Variants in COL4A4 observed in about 807,000 individuals in gnomAD.
The protein encoded by COL4A4 is collagen alpha-4(IV) chain.
Under a neutral mutation model 192.9 loss-of-function variants are expected in COL4A4, and 105 were observed. The ratio of observed to expected loss-of-function variants is 0.54; its 90% CI spans 0.46 to 0.64. The LOEUF (loss-of-function observed/expected upper bound fraction) is 0.64, where lower values mean the gene tolerates loss of function less well. Among genes scored for constraint, COL4A4 ranks in the 30% least tolerant of loss-of-function variants. The probability of loss-of-function intolerance (pLI) is 0.00; values close to 1 mark genes in which losing one functional copy is unlikely to be tolerated. For missense variants in COL4A4, 1,967 were observed against 2,169.3 expected (o/e 0.91, Z 1.85); for synonymous variants, 762 against 769.9 (o/e 0.99, Z 0.17).
intron 34 of COL4A4, among the ~76,000 whole-genome samples, chr2:227,048,520 G>A (rs1973373465): frequency 6.6e-6 from 1 of 152,186 alleles, no homozygotes; most frequent in South Asian, 2.1e-4. Flanking sequence ...AAGATACTGT[G>A]TAGACAGAGA....
the COL4A4 span, among the ~76,000 whole-genome samples, chr2:226,969,394 C>CTTT: frequency 3.6e-3 from 411 of 115,542 alleles, 18 homozygotes; most frequent in Middle Eastern, 9.8e-3. Context: ...ACAGCTCAGC[C>CTTT]TTTTTTTTTT....
At chr2:227,009,751 A>AGAAGAGAAG (rs1963197884) in intron 46 of COL4A4, among the ~76,000 whole-genome samples, 9 of 125,318 alleles carry the variant, frequency 7.2e-5, no homozygotes, top group African/African-American at 2.7e-4. Context: ...GAGAAGAGAG[A>AGAAGAGAAG]AGAGAAGAGG....
chr2:227,085,989 G>T (rs2059583158), intron 22 of COL4A4, among the ~76,000 whole-genome samples: 1 of 152,076 alleles, frequency 6.6e-6, no homozygotes, highest in Non-Finnish European at 1.5e-5. Flanking sequence ...CCTCTAAGAT[G>T]GTGTTCTTAT....
At chr2:227,028,631 T>G (rs1160551142) in intron 41 of COL4A4, among the ~76,000 whole-genome samples, 1 of 144,336 alleles carries the variant, frequency 6.9e-6, no homozygotes, top group East Asian at 2.0e-4. Flanking sequence ...AACTATGCTC[T>G]TTATAAAAGA....
intron 9 of COL4A4, 138 bp downstream of exon 9, chr2:227,111,540 T>C: frequency 1.1e-6 from 1 of 902,566 alleles, no homozygotes; most frequent in South Asian, 1.3e-5. Context: ...TTAATAATTT[T>C]TGAACAGGGA....
chr2:227,049,696 A>C (rs1260800882), intron 34 of COL4A4, among the ~76,000 whole-genome samples: 1 of 152,242 alleles, frequency 6.6e-6, no homozygotes, highest in African/African-American at 2.4e-5. Flanking sequence ...CTTAGAAAAG[A>C]TACTGGCTCC....
In COL4A4 at chr2:227,022,195, G is replaced by A. The variant is rs763941393; in HGVS notation, c.4091-22C>T. On this transcript the variant is annotated intron_variant, in intron 43 of 47. Coordinates refer to ENST00000396625, the MANE Select transcript of COL4A4 (RefSeq NM_000092.5). The stretch of plus-strand genomic sequence containing the variant: ...TCACCTGAAATTGGAATCACCGCTT[G>A]TGTAATGGATGCACGTGCTTATGAA... 69 of 1,614,000 alleles carry A rather than the reference G, an allele frequency of 4.3e-5. No individual in the cohort carries two copies. In the Middle Eastern group the frequency reaches 1.2e-3, roughly 27 times the overall value.
chr2:227,127,905 T>C (rs1477316471), intron 4 of COL4A4, among the ~76,000 whole-genome samples: 1 of 152,226 alleles, frequency 6.6e-6, no homozygotes, highest in Non-Finnish European at 1.5e-5. Flanking sequence ...AAGATGCTTT[T>C]GTTATACTAA....
At chr2:227,013,815 A>G (rs966170816) in intron 44 of COL4A4, among the ~76,000 whole-genome samples, 1 of 152,100 alleles carries the variant, frequency 6.6e-6, no homozygotes, top group Non-Finnish European at 1.5e-5. Flanking sequence ...TGACTGGGGG[A>G]TGATGATAAA....
intron 22 of COL4A4, among the ~76,000 whole-genome samples, chr2:227,086,324 C>A (rs1272252202): frequency 6.6e-6 from 1 of 152,136 alleles, no homozygotes; most frequent in African/African-American, 2.4e-5. Context: ...CCCCCAAGAG[C>A]GAGAGCACCC....
At chr2:227,041,918 GAA>G (rs1030283291) in intron 37 of COL4A4, among the ~76,000 whole-genome samples, 1 of 150,112 alleles carries the variant, frequency 6.7e-6, no homozygotes, top group Non-Finnish European at 1.5e-5. Flanking sequence ...AAGAAAGAAA[GAA>G]AGAAAATGGT....
At chr2:227,047,419 T>C in intron 35 of COL4A4, 56 bp downstream of exon 35, 2 of 1,251,398 alleles carry the variant, frequency 1.6e-6, no homozygotes, top group Admixed American at 1.7e-5. Context: ...GTAATTGTTC[T>C]GCTTTTCAAA....
At chr2:227,015,344 A>G (rs547627037) in intron 44 of COL4A4, among the ~76,000 whole-genome samples, 59 of 152,356 alleles carry the variant, frequency 3.9e-4, no homozygotes, top group Non-Finnish European at 7.6e-4. Context: ...CTGGACCAGC[A>G]GCAGCAGCGG....
chr2:226,979,782 T>C, the COL4A4 span, among the ~76,000 whole-genome samples: 7 of 152,234 alleles, frequency 4.6e-5, no homozygotes, highest in African/African-American at 1.7e-4. Flanking sequence ...GGAGCACTGC[T>C]TCACCAGCCA....
the COL4A4 span, among the ~76,000 whole-genome samples, chr2:226,973,842 C>A: frequency 3.4e-4 from 52 of 152,174 alleles, no homozygotes; most frequent in Admixed American, 2.6e-4. Context: ...CTCCGGAGCC[C>A]ATGAGTAAGG....
the COL4A4 span, among the ~76,000 whole-genome samples, chr2:226,968,335 G>T: frequency 6.6e-6 from 1 of 152,198 alleles, no homozygotes; most frequent in East Asian, 1.9e-4. Flanking sequence ...TCCAAAATCT[G>T]TAGGGCAGGC....
intron 4 of COL4A4, among the ~76,000 whole-genome samples, chr2:227,125,356 G>A (rs552392863): frequency 1.6e-4 from 24 of 151,798 alleles, no homozygotes; most frequent in African/African-American, 2.2e-4. Flanking sequence ...CCACAGGCGC[G>A]CGCCATCACA....
At position 227,077,963 on chromosome 2, in the gene COL4A4, C is replaced by G. The variant is rs770528353; in HGVS notation, c.1918G>C (p.Glu640Gln). 4 of 1,613,732 alleles carry G rather than the reference C, an allele frequency of 2.5e-6. No individual in the cohort carries two copies. The East Asian group carries it at 8.9e-5, about 36-fold the overall frequency. Residue 640 changes from glutamate (E) to glutamine (Q), a missense_variant, in exon 25 of 48, where the codon GAG becomes CAG. Transcript: ENST00000396625. ...PGLGFPGPPG[E>Q]RGHPGVPGHP... Reference sequence around the variant, plus strand: ...CCTGGAACTCCTGGGTGGCCTCGCTCTCCTGGTGGACCAGGAAATCCCAGT... The same window carrying G: ...CCTGGAACTCCTGGGTGGCCTCGCTGTCCTGGTGGACCAGGAAATCCCAGT...
chr2:227,042,334 A>G lies in COL4A4; in HGVS notation c.3398-79T>C. ...CACTGCAAAAGTCATCTATGTTCTT[A>G]ATATATGGGTAACGGAGAACACTGT... On this transcript the variant is annotated intron_variant, in intron 36 of 47. Transcript: ENST00000396625. The G allele has an allele frequency of 3.7e-6, 3 of 804,576 alleles. No individual in the cohort carries two copies. In the South Asian group the frequency reaches 4.2e-5, roughly 11 times the overall value. 49.8% of individuals were successfully genotyped at this position (804,576 alleles called of 1,614,324 possible).
Sources: allele counts gnomAD v4.1 joint callset (sites outside exome capture counted in the v4.1 genomes callset), GRCh38; gene constraint gnomAD v4.1.1; transcripts MANE v1.5; gene names NCBI Gene and HGNC (gene_info 2026-07-23, HGNC 2026-07-21).